Variants in SSBP2 observed in about 807,000 individuals in gnomAD.
SSBP2 encodes single-stranded DNA-binding protein 2.
In SSBP2, 17 loss-of-function variants were observed where a neutral mutation model predicts 61.8. The ratio of observed to expected loss-of-function variants is 0.28; its 90% CI spans 0.19 to 0.41. SSBP2 has a LOEUF of 0.41. Ranked by LOEUF, SSBP2 falls within the 10% of genes least tolerant of loss-of-function variation. The pLI is 1.00. For synonymous variants in SSBP2, 139 were observed against 141.3 expected (o/e 0.98, Z 0.12); for missense variants, 310 against 458.7 (o/e 0.68, Z 2.96).
chr5:81,447,382 A>G (rs1260062497), intron 11 of SSBP2, among the ~76,000 whole-genome samples: 3 of 152,196 alleles, frequency 2.0e-5, no homozygotes, highest in Non-Finnish European at 4.4e-5. Flanking sequence ...GTCAGCATCA[A>G]TTGCAACGTT....
At position 81,499,752 on chromosome 5, in the gene SSBP2, A is replaced by G. The variant is rs1274266451; in HGVS notation, c.373-10443T>C. Among the ~76,000 whole-genome samples, 4 of 152,338 alleles carry G rather than the reference A, an allele frequency of 2.6e-5. 1 individual carries two copies. Among genetic ancestry groups the G allele is most frequent in the South Asian group, 4.1e-4 (2 of 4,824 alleles). On this transcript the variant is annotated intron_variant, in intron 5 of 16. Coordinates refer to ENST00000320672, the MANE Select transcript of SSBP2 (RefSeq NM_012446.5). The stretch of plus-strand genomic sequence containing the variant: ...GACTTAATCAAAAAGATGCTAAAAC[A>G]ATAATTTTTAAAAATCACCTGAACT...
At chr5:81,477,908 G>A (rs1250604308) in intron 6 of SSBP2, among the ~76,000 whole-genome samples, 1 of 152,078 alleles carries the variant, frequency 6.6e-6, no homozygotes, top group Admixed American at 6.6e-5. Flanking sequence ...AGAATGAGAA[G>A]TAAGAAGATA....
intron 5 of SSBP2, among the ~76,000 whole-genome samples, chr5:81,510,400 C>T (rs1768503598): frequency 6.6e-6 from 1 of 152,188 alleles, no homozygotes; most frequent in African/African-American, 2.4e-5. Context: ...TTATTTCTGT[C>T]TCTCAAATCT....
rs775235768 is a variant in SSBP2, at chr5:81,442,680, T to C, written c.822A>G (p.Ala274=). ...TAGGTCTGTTAGGTCCAGGAGGTAC[T>C]GCATTCATTAAAGTATACATGTTAT... The change falls in exon 13 of 17, where the codon GCA becomes GCG. Residue 274 remains alanine (A), a synonymous_variant. Coordinates refer to ENST00000320672, the MANE Select transcript of SSBP2 (RefSeq NM_012446.5). The C allele has an allele frequency of 1.5e-5, 23 of 1,582,380 alleles. No homozygotes were observed. Among genetic ancestry groups the C allele is most frequent in the Non-Finnish European group, 1.8e-5 (21 of 1,163,264 alleles).
At chr5:81,464,297 C>T (rs1023590466) in intron 9 of SSBP2, among the ~76,000 whole-genome samples, 20 of 152,150 alleles carry the variant, frequency 1.3e-4, no homozygotes, top group Admixed American at 1.0e-3. Context: ...TTTAGAAATA[C>T]ATGATTATTC....
chr5:81,595,130 T>G (rs1373153556), intron 4 of SSBP2, among the ~76,000 whole-genome samples: 1 of 152,174 alleles, frequency 6.6e-6, no homozygotes, highest in East Asian at 1.9e-4. Flanking sequence ...AAGAATCAAA[T>G]AGACGCAATA....
chr5:81,510,187 C>T (rs1274648272), intron 5 of SSBP2, among the ~76,000 whole-genome samples: 1 of 152,120 alleles, frequency 6.6e-6, no homozygotes, highest in Non-Finnish European at 1.5e-5. Flanking sequence ...GATTACTGTC[C>T]TAGACCTCAA....
intron 4 of SSBP2, among the ~76,000 whole-genome samples, chr5:81,596,160 C>G (rs1240934851): frequency 6.6e-5 from 10 of 152,200 alleles, no homozygotes; most frequent in South Asian, 2.1e-4. Context: ...CAAAATCAAT[C>G]TACAAAAATC....
intron 4 of SSBP2, among the ~76,000 whole-genome samples, chr5:81,568,057 T>C (rs773383170): frequency 2.6e-5 from 4 of 152,154 alleles, no homozygotes; most frequent in African/African-American, 7.2e-5. Flanking sequence ...TGAGTTAATG[T>C]TGAAATGAGT....
chr5:81,533,683 A>C (rs1418543219), intron 4 of SSBP2, among the ~76,000 whole-genome samples: 1 of 152,088 alleles, frequency 6.6e-6, no homozygotes, highest in Non-Finnish European at 1.5e-5. Flanking sequence ...CCAAAACTGG[A>C]GAGACAAACA....
chr5:81,420,850 C>T (rs905196265), intron 16 of SSBP2, among the ~76,000 whole-genome samples: 3 of 152,112 alleles, frequency 2.0e-5, no homozygotes, highest in Admixed American at 6.6e-5. Context: ...CTTGTAAAAA[C>T]CTTTGGTAAA....
In SSBP2 at chr5:81,432,968, G is replaced by C. The variant is rs576589030; in HGVS notation, c.958-4285C>G. On this transcript the variant is annotated intron_variant, in intron 15 of 16. Coordinates refer to ENST00000320672, the MANE Select transcript of SSBP2 (RefSeq NM_012446.5). ...AGCCCCCCGCCCAGCCAGCCGCCCC[G>C]TCCGGGAGGGAGGTGGGGGGGGTCA... Among the ~76,000 whole-genome samples, 1,351 of 136,326 alleles carry C rather than the reference G, an allele frequency of 9.9e-3. 35 individuals carry two copies. Among genetic ancestry groups the C allele is most frequent in the African/African-American group, 0.037 (1,269 of 34,128 alleles). The allele number at this position is 136,326 out of a possible 152,430, so 89.4% of individuals were successfully genotyped here.
intron 4 of SSBP2, among the ~76,000 whole-genome samples, chr5:81,524,987 A>T (rs1336163410): frequency 6.6e-6 from 1 of 151,974 alleles, no homozygotes; most frequent in Non-Finnish European, 1.5e-5. Flanking sequence ...CTGAAACCAT[A>T]ATCTAGGATT....
At chr5:81,732,487 T>C (rs1415373235) in intron 1 of SSBP2, among the ~76,000 whole-genome samples, 1 of 152,040 alleles carries the variant, frequency 6.6e-6, no homozygotes. Context: ...CAAGATTAAA[T>C]GGAATCACTC....
intron 1 of SSBP2, among the ~76,000 whole-genome samples, chr5:81,666,266 A>T (rs768173550): frequency 1.9e-4 from 29 of 152,192 alleles, no homozygotes; most frequent in Non-Finnish European, 4.0e-4. Flanking sequence ...GATAACTGAC[A>T]TACTACATAC....
At chr5:81,594,612 T>C (rs1743510968) in intron 4 of SSBP2, among the ~76,000 whole-genome samples, 1 of 152,156 alleles carries the variant, frequency 6.6e-6, no homozygotes, top group Non-Finnish European at 1.5e-5. Flanking sequence ...CCTCAGCAAA[T>C]GTAAAAGAAC....
intron 4 of SSBP2, among the ~76,000 whole-genome samples, chr5:81,528,612 C>T (rs1285334720): frequency 1.3e-5 from 2 of 151,916 alleles, no homozygotes; most frequent in African/African-American, 4.8e-5. Flanking sequence ...CACATATATC[C>T]ATTAAGTTAA....
At chr5:81,460,974 T>C in intron 10 of SSBP2, 81 bp downstream of exon 10, 1 of 924,252 alleles carries the variant, frequency 1.1e-6, no homozygotes, top group Non-Finnish European at 1.5e-6. Flanking sequence ...TTGCAAAGCT[T>C]TCAAAAGCAA....
chr5:81,442,469 ATC>A (rs933028885), intron 13 of SSBP2, among the ~76,000 whole-genome samples, 182 bp downstream of exon 13: 1 of 152,076 alleles, frequency 6.6e-6, no homozygotes, highest in Non-Finnish European at 1.5e-5. Flanking sequence ...TTGATATAAA[ATC>A]TCTGTTATAT....
Sources: allele counts gnomAD v4.1 joint callset (sites outside exome capture counted in the v4.1 genomes callset), GRCh38; gene constraint gnomAD v4.1.1; transcripts MANE v1.5; gene names NCBI Gene and HGNC (gene_info 2026-07-23, HGNC 2026-07-21).